TMEM267: variants seen among roughly 807,000 people sequenced by gnomAD.
The protein encoded by TMEM267 is transmembrane protein 267.
Under a neutral mutation model 19.3 loss-of-function variants are expected in TMEM267, and 20 were observed. That is an observed-to-expected ratio of 1.04 (90% CI 0.73 to 1.51). The LOEUF (loss-of-function observed/expected upper bound fraction) is 1.51, where lower values mean the gene tolerates loss of function less well. TMEM267 is among the 40% of genes most tolerant of loss of function. The pLI, the probability that TMEM267 is intolerant of heterozygous loss-of-function variation, is 0.00. For synonymous variants in TMEM267, 88 were observed against 90.3 expected (o/e 0.97, Z 0.15); for missense variants, 242 against 261.9 (o/e 0.92, Z 0.52).
chr5:43,447,893 A>G (rs910941395), intron 2 of TMEM267, among the ~76,000 whole-genome samples: 4 of 152,196 alleles, frequency 2.6e-5, no homozygotes, highest in Non-Finnish European at 5.9e-5. Flanking sequence ...AAAGGACTTA[A>G]GAGTGGACCT....
chr5:43,454,063 A>G lies in TMEM267; in HGVS notation c.-74-20T>C. On this transcript the variant is annotated intron_variant, in intron 1 of 2. Coordinates refer to ENST00000397080, the MANE Select transcript of TMEM267 (RefSeq NM_022483.5). ...AGCACCCTAAAGGAGAAAGTAGAGA[A>G]AAATATGAATGAAGATTATGGACTA... The G allele has an allele frequency of 6.8e-7, 1 of 1,468,700 alleles. No homozygotes were observed. The highest frequency in any genetic ancestry group is 9.1e-7 in the Non-Finnish European group (1 of 1,100,564). 91.0% of individuals were successfully genotyped at this position (1,468,700 alleles called of 1,614,324 possible). A position where few individuals can be genotyped will look rare whatever the true frequency, so the allele number is the denominator to read the frequency against.
At chr5:43,483,564 G>A (rs749082627) in intron 1 of TMEM267, among the ~76,000 whole-genome samples, 6 of 152,180 alleles carry the variant, frequency 3.9e-5, no homozygotes, top group Admixed American at 6.5e-5. Flanking sequence ...GAAAAAGCGC[G>A]AAGCCGGAGG....
At chr5:43,469,820 T>C (rs750686422) in intron 1 of TMEM267, among the ~76,000 whole-genome samples, 30 of 152,182 alleles carry the variant, frequency 2.0e-4, no homozygotes, top group Non-Finnish European at 4.1e-4. Flanking sequence ...CAGAAGGAAA[T>C]TCCTTGCGGA....
intron 2 of TMEM267, among the ~76,000 whole-genome samples, chr5:43,451,565 T>C (rs764909575): frequency 1.1e-4 from 17 of 151,970 alleles, no homozygotes; most frequent in Non-Finnish European, 2.1e-4. Context: ...TCACACACCA[T>C]CAGAATGGCT....
chr5:43,461,997 G>A (rs1322526829), intron 1 of TMEM267, among the ~76,000 whole-genome samples: 2 of 152,230 alleles, frequency 1.3e-5, no homozygotes, highest in African/African-American at 4.8e-5. Context: ...CAAGTGCCAT[G>A]CTGGGTTCAG....
At chr5:43,452,823 AT>A (rs2112040575) in intron 2 of TMEM267, among the ~76,000 whole-genome samples, 1 of 152,324 alleles carries the variant, frequency 6.6e-6, no homozygotes, top group South Asian at 2.1e-4. Flanking sequence ...AAAAGTGAAT[AT>A]TTCTCATTCA....
chr5:43,447,180 C>G (rs371682878), intron 2 of TMEM267, among the ~76,000 whole-genome samples: 2 of 151,576 alleles, frequency 1.3e-5, no homozygotes, highest in Non-Finnish European at 2.9e-5. Flanking sequence ...GCAATCTCTG[C>G]CTCTTGGGTT....
rs1156295194 is a variant in TMEM267 at position 43,464,565 on chromosome 5, G to T, written c.-74-10522C>A. 3.9e-5 allele frequency among the ~76,000 whole-genome samples: 6 copies of T among 152,358 alleles called. No individual in the cohort carries two copies. The South Asian group carries it at 8.3e-4, about 21-fold the overall frequency. ...ACCTGACTTCAAACTATACTACAAG[G>T]CTACAGTAACCAAAACAGCATGGTA... On this transcript the variant is annotated intron_variant, in intron 1 of 2. Transcript: ENST00000397080.
chr5:43,453,916 T>C lies in TMEM267; in HGVS notation c.54A>G (p.Glu18=). Reference sequence around the variant, plus strand: ...CCAGACCAAGGCTGGAAATAAGAGATTCAGTGCTACAAGTCTGCAGTAAAG... The same window carrying C: ...CCAGACCAAGGCTGGAAATAAGAGACTCAGTGCTACAAGTCTGCAGTAAAG... ...THALLQTCST[E]SLISSLGLGA... is the part of the protein sequence containing the mutation. The change falls in exon 2 of 3, where the codon GAA becomes GAG. Residue 18 remains glutamate, a synonymous_variant. Coordinates refer to ENST00000397080, the MANE Select transcript of TMEM267 (RefSeq NM_022483.5). The C allele has an allele frequency of 6.2e-7, 1 of 1,613,990 alleles. No homozygotes were observed. Among genetic ancestry groups the C allele is most frequent in the East Asian group, 2.2e-5 (1 of 44,876 alleles).
At chr5:43,450,927 C>A (rs191683258) in intron 2 of TMEM267, among the ~76,000 whole-genome samples, 135 of 152,160 alleles carry the variant, frequency 8.9e-4, no homozygotes, top group African/African-American at 3.1e-3. Flanking sequence ...CTCCACCTCC[C>A]GGGTTCAAGC....
intron 1 of TMEM267, among the ~76,000 whole-genome samples, chr5:43,472,864 G>A (rs1203292676): frequency 6.6e-6 from 1 of 151,146 alleles, no homozygotes; most frequent in Non-Finnish European, 1.5e-5. Context: ...AGAAGGCCGG[G>A]CACGGTGGCT....
chr5:43,473,949 G>A (rs1299511177), intron 1 of TMEM267, among the ~76,000 whole-genome samples: 1 of 152,124 alleles, frequency 6.6e-6, no homozygotes, highest in Non-Finnish European at 1.5e-5. Flanking sequence ...AGAGGCCTGA[G>A]AAATAACACC....
chr5:43,477,511 T>C (rs1482247698), intron 1 of TMEM267, among the ~76,000 whole-genome samples: 3 of 150,564 alleles, frequency 2.0e-5, no homozygotes, highest in African/African-American at 7.4e-5. Context: ...GAAGAATCGC[T>C]TGAACCCAGG....
At chr5:43,466,263 CAAAT>C (rs1743665529) in intron 1 of TMEM267, among the ~76,000 whole-genome samples, 1 of 152,072 alleles carries the variant, frequency 6.6e-6, no homozygotes, top group African/African-American at 2.4e-5. Context: ...AGAAAATAAA[CAAAT>C]AACATACTAT....
chr5:43,480,006 C>A, intron 1 of TMEM267: 1 of 328,678 alleles, frequency 3.0e-6, no homozygotes, highest in Non-Finnish European at 5.8e-6. Flanking sequence ...ATAAAGAAGT[C>A]AACATATTTA....
rs1579790671 is a variant in TMEM267 at position 43,453,789 on chromosome 5, C to T, written c.181G>A (p.Gly61Ser). Residue 61 changes from glycine to serine, a missense_variant, in exon 2 of 3, where the codon GGC becomes AGC. Gly to Ser is a moderately conservative substitution (Grantham distance 56). Coordinates refer to ENST00000397080, the MANE Select transcript of TMEM267 (RefSeq NM_022483.5). The part of the protein sequence containing the change: ...LSDNAVHCVI[G>S]MWSWAVVTGI... The stretch of plus-strand genomic sequence containing the variant: ...GTGACTACCGCCCATGACCACATGC[C>T]AATTACACAATGTACTGCATTATCT... The T allele has an allele frequency of 6.2e-7, 1 of 1,614,066 alleles. No individual in the cohort carries two copies.
chr5:43,475,346 C>T (rs1319449218), intron 1 of TMEM267, among the ~76,000 whole-genome samples: 2 of 150,820 alleles, frequency 1.3e-5, no homozygotes, highest in East Asian at 3.9e-4. Context: ...AGAGAGGGTA[C>T]ACAGGGAGGG....
intron 1 of TMEM267, chr5:43,454,650 T>C (rs1206698265): frequency 6.6e-6 from 1 of 152,222 alleles, no homozygotes; most frequent in Non-Finnish European, 1.5e-5. Flanking sequence ...GAAAGGCTAA[T>C]AGAATCATGA....
intron 1 of TMEM267, among the ~76,000 whole-genome samples, chr5:43,478,929 T>A (rs945661216): frequency 6.6e-6 from 1 of 152,048 alleles, no homozygotes; most frequent in African/African-American, 2.4e-5. Flanking sequence ...GTATAAACTT[T>A]CTCGTGGTCA....
Sources: allele counts gnomAD v4.1 joint callset (sites outside exome capture counted in the v4.1 genomes callset), GRCh38; gene constraint gnomAD v4.1.1; transcripts MANE v1.5; gene names NCBI Gene and HGNC (gene_info 2026-07-23, HGNC 2026-07-21).